The following PRRX1 variants were observed in gnomAD, a reference collection of about 807,000 sequenced individuals.
PRRX1 encodes the protein paired mesoderm homeobox protein 1.
Under a neutral mutation model 24.0 loss-of-function variants are expected in PRRX1, and 8 were observed. The ratio of observed to expected loss-of-function variants is 0.33; its 90% CI spans 0.20 to 0.60. The LOEUF (loss-of-function observed/expected upper bound fraction) is 0.60, where lower values mean the gene tolerates loss of function less well. Ranked by LOEUF, PRRX1 falls within the 20% of genes least tolerant of loss-of-function variation. The pLI is 0.82. For missense variants in PRRX1, 281 were observed against 322.4 expected, an observed-to-expected ratio of 0.87 and a Z score of 0.98; for synonymous variants, 160 against 131.7, an observed-to-expected ratio of 1.22 and a Z score of -1.47.
intron 3 of PRRX1, among the ~76,000 whole-genome samples, chr1:170,732,221 A>G (rs1284981861): frequency 1.3e-5 from 2 of 152,302 alleles, no homozygotes; most frequent in South Asian, 2.1e-4. Flanking sequence ...ATTGGTTGAA[A>G]ACAGTTAATT....
In PRRX1 at chr1:170,709,075, G is replaced by A. The variant is rs78402674; in HGVS notation, c.242-10651G>A. ...CGGGATAGCACAGTTAACAAGTCAG[G>A]TAAGGTGCCTACCCTCATGAAGCTA... On this transcript the variant is annotated intron_variant, in intron 1 of 3. Transcript: ENST00000239461. Among the ~76,000 whole-genome samples, 18 of 152,270 alleles carry A rather than the reference G, an allele frequency of 1.2e-4. No homozygotes were observed. The East Asian group carries it at 2.7e-3, about 23-fold the overall frequency.
intron 1 of PRRX1, among the ~76,000 whole-genome samples, chr1:170,703,327 G>A (rs1346515952): frequency 1.3e-5 from 2 of 151,354 alleles, no homozygotes; most frequent in African/African-American, 4.9e-5. Flanking sequence ...GGGCCTGGAT[G>A]ATCAGCTCCC....
Position 170,706,979 on chromosome 1 carries a change from G to T in PRRX1, c.242-12747G>T, listed in dbSNP as rs966128399. Among the ~76,000 whole-genome samples the T allele has an allele frequency of 2.0e-5, 3 of 152,104 alleles. No individual in the cohort carries two copies. In the East Asian group the frequency reaches 5.8e-4, roughly 29 times the overall value. The stretch of plus-strand genomic sequence containing the variant: ...CCCCAAACCTAGCAAAAAAAAGACT[G>T]CTGGGCATGGTGGTGTGCAACTGCA... On this transcript the variant is annotated intron_variant, in intron 1 of 3. Transcript: ENST00000239461.
chr1:170,735,374 T>G (rs535510136), intron 3 of PRRX1, among the ~76,000 whole-genome samples: 1 of 152,184 alleles, frequency 6.6e-6, no homozygotes, highest in Admixed American at 6.5e-5. Flanking sequence ...ATTTTCAAAA[T>G]AACTGACCCA....
intron 1 of PRRX1, among the ~76,000 whole-genome samples, chr1:170,695,708 G>A (rs1654143469): frequency 6.6e-6 from 1 of 152,124 alleles, no homozygotes; most frequent in South Asian, 2.1e-4. Context: ...AATCTGTAAA[G>A]AGTCCCTGAG....
rs142408425 is a variant in PRRX1 at position 170,686,272 on chromosome 1, C to T, written c.241+21813C>T. ...GGAAAATGGCAGCTCGGAAAAAATG[C>T]TAGCTTAGAGGACTAAAAACCTAAG... On this transcript the variant is annotated intron_variant, in intron 1 of 3. Coordinates refer to ENST00000239461, the MANE Select transcript of PRRX1 (RefSeq NM_022716.4). Among the ~76,000 whole-genome samples the T allele has an allele frequency of 2.0e-4, 31 of 151,378 alleles. No homozygotes were observed. The East Asian group carries it at 6.0e-3, about 29-fold the overall frequency.
chr1:170,707,116 CCT>C (rs1654594900), intron 1 of PRRX1, among the ~76,000 whole-genome samples: 1 of 151,450 alleles, frequency 6.6e-6, no homozygotes, highest in Non-Finnish European at 1.5e-5. Context: ...AGAGTGAGAC[CCT>C]GTCCTTAAAA....
In PRRX1 at chr1:170,719,869, C is replaced by G. The variant is rs756917059; in HGVS notation, c.385C>G (p.Arg129Gly). Residue 129 changes from arginine (R) to glycine (G), a missense_variant, in exon 2 of 4, where the codon CGC becomes GGC. Coordinates refer to ENST00000239461, the MANE Select transcript of PRRX1 (RefSeq NM_022716.4). ...PDAFVREDLA[R>G]RVNLTEARVQ... is the part of the protein sequence containing the mutation. ...TGCTTTTGTGCGAGAAGACCTTGCC[C>G]GCCGGGTGAACCTCACCGAGGCGAG... 1 of 1,614,116 alleles carries G rather than the reference C, an allele frequency of 6.2e-7. No homozygotes were observed. Among genetic ancestry groups the G allele is most frequent in the Non-Finnish European group, 8.5e-7 (1 of 1,180,002 alleles).
intron 2 of PRRX1, among the ~76,000 whole-genome samples, chr1:170,721,669 G>A (rs550122199): frequency 6.6e-6 from 1 of 152,282 alleles, no homozygotes; most frequent in East Asian, 1.9e-4. Flanking sequence ...GCCCCTTTGG[G>A]CTCAAGTGAG....
At position 170,664,201 on chromosome 1, in the gene PRRX1, G is replaced by T; in HGVS notation, c.-18G>T. On this transcript the variant is annotated 5_prime_UTR_variant, in exon 1 of 4. Transcript: ENST00000239461. ...TCGAGCGGGAAGAGGGGGGTGGGTG[G>T]GATCGGTGGGGGAGACCATGACCTC... is the stretch of plus-strand genomic sequence containing the variant. The T allele has an allele frequency of 1.2e-6, 2 of 1,603,712 alleles. No homozygotes were observed. The highest frequency in any genetic ancestry group is 1.7e-6 in the Non-Finnish European group (2 of 1,175,316).
Position 170,736,458 on chromosome 1 carries a change from G to A in PRRX1, c.*272G>A. ...TTCTTTCATTCATGCTTTGCTTAAT[G>A]TACTCCAGGCTTCTTCAGCTAGGTT... On this transcript the variant is annotated 3_prime_UTR_variant, in exon 4 of 4. Transcript: ENST00000239461. 2.1e-6 allele frequency: 1 copy of A among 476,720 alleles called. No individual in the cohort carries two copies. The allele number at this position is 476,720 out of a possible 1,614,324, so 29.5% of individuals were successfully genotyped here. A position where few individuals can be genotyped will look rare whatever the true frequency, so the allele number is the denominator to read the frequency against.
At chr1:170,717,608 CTTTTTTT>C (rs879901322) in intron 1 of PRRX1, among the ~76,000 whole-genome samples, 1 of 139,616 alleles carries the variant, frequency 7.2e-6, no homozygotes, top group Non-Finnish European at 1.6e-5. Flanking sequence ...AAGGATTTTT[CTTTTTTT>C]TTTTTGCAGA....
intron 2 of PRRX1, among the ~76,000 whole-genome samples, chr1:170,721,193 C>A (rs1407757120): frequency 1.3e-5 from 2 of 152,190 alleles, no homozygotes; most frequent in Admixed American, 6.5e-5. Context: ...TCAAGTAGTG[C>A]TTTGTTGTGT....
intron 1 of PRRX1, among the ~76,000 whole-genome samples, chr1:170,707,648 A>G (rs1023483857): frequency 6.6e-6 from 1 of 152,188 alleles, no homozygotes; most frequent in Non-Finnish European, 1.5e-5. Context: ...CTGACTTCTG[A>G]GTAAATTAAC....
intron 1 of PRRX1, among the ~76,000 whole-genome samples, chr1:170,696,476 T>G (rs1654173026): frequency 6.6e-6 from 1 of 152,156 alleles, no homozygotes; most frequent in East Asian, 1.9e-4. Flanking sequence ...TTTGTCAAAC[T>G]ATTTGAAGTC....
intron 1 of PRRX1, among the ~76,000 whole-genome samples, chr1:170,680,036 CT>C (rs1653457907): frequency 6.6e-6 from 1 of 152,110 alleles, no homozygotes; most frequent in African/African-American, 2.4e-5. Flanking sequence ...TCAACATAAC[CT>C]ATCCAAATGT....
Position 170,726,304 on chromosome 1 carries a change from T to C in PRRX1, c.502T>C (p.Tyr168His), listed in dbSNP as rs1655251352. ...ANKNASLLKS[Y>H]SGDVTAVEQP... ...TAAAAACGCTTCCCTCCTCAAATCCTACTCAGGAGACGTGACTGCTGTGGA... is the reference window on the plus strand; with the variant it reads ...TAAAAACGCTTCCCTCCTCAAATCCCACTCAGGAGACGTGACTGCTGTGGA... The change falls in exon 3 of 4, where the codon TAC (tyrosine) becomes CAC (histidine). Residue 168 changes from tyrosine to histidine, a missense_variant. Coordinates refer to ENST00000239461, the MANE Select transcript of PRRX1 (RefSeq NM_022716.4). 1.9e-6 allele frequency: 3 copies of C among 1,613,880 alleles called. No homozygotes were observed. The highest frequency in any genetic ancestry group is 1.3e-5 in the African/African-American group (1 of 74,910).
chr1:170,725,218 A>C (rs1655219272), intron 2 of PRRX1, among the ~76,000 whole-genome samples: 1 of 152,216 alleles, frequency 6.6e-6, no homozygotes, highest in Non-Finnish European at 1.5e-5. Context: ...GGATCAGGTC[A>C]TCTGCAAACA....
chr1:170,724,920 T>G (rs1200101479), intron 2 of PRRX1, among the ~76,000 whole-genome samples: 1 of 152,246 alleles, frequency 6.6e-6, no homozygotes, highest in Admixed American at 6.5e-5. Flanking sequence ...GAGCATAGAA[T>G]GTTTTTCCAT....
Sources: gnomAD v4.1 joint callset for allele counts (sites outside exome capture counted in the v4.1 genomes callset) on GRCh38, gnomAD v4.1.1 for gene constraint, MANE v1.5 for transcripts, NCBI Gene and HGNC (gene_info 2026-07-23, HGNC 2026-07-21) for gene names.